The following ROBO2 variants were observed in gnomAD, a reference collection of about 807,000 sequenced individuals.
The protein encoded by ROBO2 is roundabout homolog 2.
ROBO2 carries 53 observed loss-of-function variants against 160.8 expected under a neutral mutation model. That is an observed-to-expected ratio of 0.33 (90% confidence interval 0.26 to 0.41). The LOEUF (loss-of-function observed/expected upper bound fraction) is 0.41. Among genes scored for constraint, ROBO2 ranks in the 10% least tolerant of loss-of-function variants. The pLI, the probability that ROBO2 is intolerant of heterozygous loss-of-function variation, is 1.00. For synonymous variants in ROBO2, 664 were observed against 611.7 expected (o/e 1.09, Z -1.26); for missense variants, 1,577 against 1,722.4 (o/e 0.92, Z 1.49).
chr3:77,497,113 A>G (rs6779560), intron 5 of ROBO2, among the ~76,000 whole-genome samples: 21,340 of 152,108 alleles, frequency 0.14, 1,587 homozygotes, highest in East Asian at 0.2. Context: ...GACAAAATGG[A>G]AAGGAGTCTA....
At position 77,068,609 on chromosome 3, in the gene ROBO2, T is replaced by A. The variant is rs534212409; in HGVS notation, c.61+27763T>A. Reference sequence around the variant, plus strand: ...CACCCCAAAGTATGATATAAATATATCTTAAAATATAATTCAAACTCATTA... The same window carrying A: ...CACCCCAAAGTATGATATAAATATAACTTAAAATATAATTCAAACTCATTA... On this transcript the variant is annotated intron_variant, in intron 1 of 25. Coordinates refer to ENST00000461745, the Ensembl canonical transcript of ROBO2. 2.0e-5 allele frequency among the ~76,000 whole-genome samples: 3 copies of A among 152,146 alleles called. No homozygotes were observed. The South Asian group carries it at 6.2e-4, about 32-fold the overall frequency.
chr3:76,185,195 G>GATATATATATATATATATAT (rs1219580267), intron 2 of ROBO2, among the ~76,000 whole-genome samples: 1,183 of 44,154 alleles, frequency 0.027, 95 homozygotes, highest in East Asian at 0.039. Context: ...AGTAAACACA[G>GATATATATATATATATATAT]ATATATATAT....
rs530804390 is a variant in ROBO2, at chr3:76,931,337, G to A, written c.110-166677G>A. Among the ~76,000 whole-genome samples the A allele has an allele frequency of 1.9e-4, 29 of 152,164 alleles. No individual in the cohort carries two copies. In the East Asian group the frequency reaches 5.6e-3, roughly 29 times the overall value. The stretch of plus-strand genomic sequence containing the variant: ...TTTAGAAATATATGCCACATTGTTA[G>A]TTTACCACAATTCAGAAAGCAAAAT... On this transcript the variant is annotated intron_variant, in intron 2 of 26. Transcript: ENST00000487694.
intron 2 of ROBO2, among the ~76,000 whole-genome samples, chr3:76,423,773 A>G (rs929922585): frequency 9.2e-5 from 14 of 152,324 alleles, no homozygotes; most frequent in African/African-American, 3.1e-4. Flanking sequence ...ACTGGAGTTC[A>G]TGGATAGTCA....
chr3:77,042,787 A>G (rs2149627068), intron 1 of ROBO2, among the ~76,000 whole-genome samples: 1 of 152,034 alleles, frequency 6.6e-6, no homozygotes, highest in Non-Finnish European at 1.5e-5. Flanking sequence ...CTGCCCCCAA[A>G]GACAACCTAG....
At chr3:77,158,014 T>A (rs2078163705) in intron 2 of ROBO2, among the ~76,000 whole-genome samples, 1 of 152,138 alleles carries the variant, frequency 6.6e-6, no homozygotes, top group Non-Finnish European at 1.5e-5. Flanking sequence ...CAACTCAAAA[T>A]TCTCATATGA....
At chr3:77,407,603 C>T (rs892432217) in intron 2 of ROBO2, among the ~76,000 whole-genome samples, 3 of 152,166 alleles carry the variant, frequency 2.0e-5, no homozygotes, top group Non-Finnish European at 4.4e-5. Flanking sequence ...ACTCCTGCAG[C>T]GTTTACTTTA....
intron 2 of ROBO2, among the ~76,000 whole-genome samples, chr3:77,452,635 A>G (rs527988999): frequency 6.6e-6 from 1 of 152,318 alleles, no homozygotes. Flanking sequence ...GTCTTTAAAC[A>G]GTACTCAGTT....
At chr3:76,719,682 G>T (rs915243280) in intron 2 of ROBO2, among the ~76,000 whole-genome samples, 2 of 152,120 alleles carry the variant, frequency 1.3e-5, no homozygotes, top group African/African-American at 4.8e-5. Context: ...TCAGGAGTTT[G>T]AGACCAGCCT....
intron 2 of ROBO2, among the ~76,000 whole-genome samples, chr3:76,220,051 A>G (rs1703855698): frequency 6.6e-6 from 1 of 151,950 alleles, no homozygotes; most frequent in African/African-American, 2.4e-5. Flanking sequence ...GCTGGAAACC[A>G]TCATTCTCAG....
chr3:76,663,039 T>C (rs952072362), intron 2 of ROBO2, among the ~76,000 whole-genome samples: 5 of 151,986 alleles, frequency 3.3e-5, no homozygotes, highest in Non-Finnish European at 7.4e-5. Flanking sequence ...AGAAAAGAAG[T>C]GTGGTTAGTA....
chr3:77,179,790 A>G (rs1275061331), intron 2 of ROBO2, among the ~76,000 whole-genome samples: 1 of 152,196 alleles, frequency 6.6e-6, no homozygotes, highest in Non-Finnish European at 1.5e-5. Context: ...GAGGAATTAC[A>G]TGTGACTACA....
rs1227677498 is a variant in ROBO2 at position 77,180,408 on chromosome 3, C to CTA, written c.388+82069_388+82070insAT. On this transcript the variant is annotated intron_variant, in intron 2 of 25. Transcript: ENST00000461745. ...TTGAATTCTCTCTCTCTCTCTCTCT[C>CTA]TCTCTCTCTATATATATATATATGT... 1.2e-3 allele frequency among the ~76,000 whole-genome samples: 117 copies of CTA among 101,572 alleles called. 1 individual carries two copies. Among genetic ancestry groups the CTA allele is most frequent in the African/African-American group, 3.9e-3 (114 of 29,516 alleles). 66.6% of individuals were successfully genotyped at this position (101,572 alleles called of 152,430 possible). A position where few individuals can be genotyped will look rare whatever the true frequency, so the allele number is the denominator to read the frequency against.
chr3:77,371,110 G>C (rs2071691350), intron 2 of ROBO2, among the ~76,000 whole-genome samples: 1 of 152,156 alleles, frequency 6.6e-6, no homozygotes, highest in Non-Finnish European at 1.5e-5. Flanking sequence ...TCTTGAAACT[G>C]AATCAAGAAT....
At chr3:77,381,844 A>T (rs2073513303) in intron 2 of ROBO2, among the ~76,000 whole-genome samples, 1 of 151,974 alleles carries the variant, frequency 6.6e-6, no homozygotes, top group Non-Finnish European at 1.5e-5. Context: ...CTTTTCATTT[A>T]TTTTTAAACC....
chr3:76,924,527 A>G (rs2076860735), intron 2 of ROBO2, among the ~76,000 whole-genome samples: 2 of 152,166 alleles, frequency 1.3e-5, no homozygotes, highest in Admixed American at 1.3e-4. Flanking sequence ...TCTGTAAGCT[A>G]CCCACATTAA....
intron 2 of ROBO2, among the ~76,000 whole-genome samples, chr3:77,403,619 T>TGTA (rs1491148217): frequency 0.019 from 529 of 27,156 alleles, 2 homozygotes; most frequent in African/African-American, 0.074. Context: ...TGTGTGTGTA[T>TGTA]TTTTTTTTTT....
chr3:77,621,262 C>T (rs1262328900), intron 22 of ROBO2, among the ~76,000 whole-genome samples: 2 of 152,012 alleles, frequency 1.3e-5, no homozygotes, highest in Non-Finnish European at 2.9e-5. Flanking sequence ...TCCCACTCTA[C>T]AAAACATTTA....
intron 2 of ROBO2, among the ~76,000 whole-genome samples, chr3:76,930,224 C>A (rs569881020): frequency 6.6e-6 from 1 of 152,096 alleles, no homozygotes; most frequent in South Asian, 2.1e-4. Context: ...CCAGGCTGGT[C>A]TCGAACTCCT....
Sources: allele counts gnomAD v4.1 joint callset (sites outside exome capture counted in the v4.1 genomes callset), GRCh38; gene constraint gnomAD v4.1.1; transcripts MANE v1.5; gene names NCBI Gene and HGNC (gene_info 2026-07-23, HGNC 2026-07-21).